The following NAGPA variants were observed in gnomAD, a reference collection of about 807,000 sequenced individuals.
NAGPA encodes alpha-N-acetylglucosaminyl phosphodiesterase.
A neutral mutation model predicts 48.5 loss-of-function variants in NAGPA; 56 were observed. The ratio of observed to expected loss-of-function variants is 1.15; its 90% CI spans 0.93 to 1.44. NAGPA has a LOEUF of 1.44. Ranked by LOEUF, NAGPA falls within the 40% of genes most tolerant of loss-of-function variation. NAGPA has a pLI of 0.00. For missense variants in NAGPA, 888 were observed against 735.0 expected, an observed-to-expected ratio of 1.21 and a Z score of -2.41; for synonymous variants, 399 against 315.5, an observed-to-expected ratio of 1.26 and a Z score of -2.81.
intron 9 of NAGPA, among the ~76,000 whole-genome samples, chr16:5,026,856 C>T (rs1199566982): frequency 1.3e-5 from 2 of 152,198 alleles, no homozygotes; most frequent in African/African-American, 4.8e-5. Context: ...GCCTGGGTGA[C>T]AGAATGAGGA....
rs2142557014 is a variant in NAGPA, at chr16:5,027,393, ATGGGAGG to A, written c.1175-21_1175-15del. ...CAAGGGGACACTCTATGGAAAGGAGATGGGAGGAGGGAGGAGGGAGGAGAAAGGTTGG... is the reference window on the plus strand; with the variant it reads ...CAAGGGGACACTCTATGGAAAGGAGAAGGGAGGAGGGAGGAGAAAGGTTGG... On this transcript the variant is annotated splice_polypyrimidine_tract_variant and intron_variant, in intron 7 of 9. Coordinates refer to ENST00000312251, the MANE Select transcript of NAGPA (RefSeq NM_016256.4). The A allele has an allele frequency of 6.3e-7, 1 of 1,588,436 alleles. No homozygotes were observed. Among genetic ancestry groups the A allele is most frequent in the South Asian group, 1.1e-5 (1 of 90,136 alleles).
rs574525153 is a variant in NAGPA at position 5,030,665 on chromosome 16, G to A, written c.683-172C>T. On this transcript the variant is annotated intron_variant, in intron 3 of 9. Transcript: ENST00000312251. ...ACATCCCAGTCTCCCCAGGGCAGCC[G>A]GGGGGTCTCTTCTTACAGGTAAACC... The A allele has an allele frequency of 3.0e-5, 20 of 673,640 alleles. No individual in the cohort carries two copies. The East Asian group carries it at 3.3e-4, about 11-fold the overall frequency. 41.7% of individuals were successfully genotyped at this position (673,640 alleles called of 1,614,324 possible).
At chr16:5,026,352 C>G (rs1956001262) in intron 9 of NAGPA, among the ~76,000 whole-genome samples, 1 of 151,774 alleles carries the variant, frequency 6.6e-6, no homozygotes, top group African/African-American at 2.4e-5. Flanking sequence ...TCAAGACCAG[C>G]CTGGCCAACA....
intron 2 of NAGPA, chr16:5,032,972 A>C: frequency 1.9e-6 from 1 of 519,354 alleles, no homozygotes; most frequent in Non-Finnish European, 3.5e-6. Context: ...AGCAATCAGA[A>C]TGTATGTTAG....
rs1044605253 is a variant in NAGPA at position 5,033,098 on chromosome 16, T to A, written c.542+175A>T. On this transcript the variant is annotated intron_variant, in intron 2 of 9. Coordinates refer to ENST00000312251, the MANE Select transcript of NAGPA (RefSeq NM_016256.4). This position sits in a 1 kb window ranked among gnomAD's most constrained non-coding sequence, Gnocchi z 4.2. ...CGGCACATTGCCTGATACAAGCAAG[T>A]GCTCAATGATACTGGATGATGAATA... The A allele has an allele frequency of 7.9e-6, 6 of 759,508 alleles. No individual in the cohort carries two copies. The highest frequency in any genetic ancestry group is 1.3e-5 in the Non-Finnish European group (6 of 467,958). The allele number at this position is 759,508 out of a possible 1,614,324, so 47.0% of individuals were successfully genotyped here. A position where few individuals can be genotyped will look rare whatever the true frequency, so the allele number is the denominator to read the frequency against.
rs1203389236 is a variant in NAGPA, at chr16:5,033,184, T to C, written c.542+89A>G. ...CAGAGGAGGAAACAGGGGCTCAGCT[T>C]GGTTAAGTGACTTGAACACGGAGGC... On this transcript the variant is annotated intron_variant, in intron 2 of 9. Transcript: ENST00000312251. The surrounding 1 kb of genome is among the most constrained non-coding windows in gnomAD (Gnocchi z 4.2). 6.9e-7 allele frequency: 1 copy of C among 1,441,876 alleles called. No individual in the cohort carries two copies. The highest frequency in any genetic ancestry group is 1.4e-5 in the African/African-American group (1 of 71,198). 89.3% of individuals were successfully genotyped at this position (1,441,876 alleles called of 1,614,324 possible).
chr16:5,031,213 G>C (rs1430259130), intron 3 of NAGPA: 1 of 188,158 alleles, frequency 5.3e-6, no homozygotes, highest in East Asian at 1.4e-4. Flanking sequence ...GGGATTATAG[G>C]TGTTAGCCAC....
Position 5,033,687 on chromosome 16 carries a change from G to A in NAGPA, c.128C>T (p.Ala43Val), listed in dbSNP as rs774894492. 15 of 1,595,430 alleles carry A rather than the reference G, an allele frequency of 9.4e-6. No homozygotes were observed. The South Asian group carries it at 1.7e-4, about 18-fold the overall frequency. ...DDDLLLPYPR[A>V]RARLPRDCTR... The stretch of plus-strand genomic sequence containing the variant: ...GCAGTCCCGGGGGAGGCGCGCGCGC[G>A]CGCGTGGATAGGGCAGTAGCAAGTC... The change falls in exon 2 of 10, where the codon GCG becomes GTG. Residue 43 changes from alanine (A) to valine (V), a missense_variant. Physicochemically the swap from Ala to Val is moderately conservative, Grantham distance 64. Transcript: ENST00000312251. This position sits in a 1 kb window ranked among gnomAD's most constrained non-coding sequence, Gnocchi z 4.2.
In NAGPA at chr16:5,025,166, C is replaced by T; in HGVS notation, c.*312G>A. ...AGTCTGGTTCGTTGGCAGCCCCTTC[C>T]CCAGGAGGAGGGAGACTCTTTGGCA... On this transcript the variant is annotated 3_prime_UTR_variant, in exon 10 of 10. Coordinates refer to ENST00000312251, the MANE Select transcript of NAGPA (RefSeq NM_016256.4). 2.3e-6 allele frequency: 1 copy of T among 435,030 alleles called. No homozygotes were observed. Among genetic ancestry groups the T allele is most frequent in the Non-Finnish European group, 4.3e-6 (1 of 233,850 alleles). The allele number at this position is 435,030 out of a possible 1,614,324, so 26.9% of individuals were successfully genotyped here. A position where few individuals can be genotyped will look rare whatever the true frequency, so the allele number is the denominator to read the frequency against.
chr16:5,029,122 T>C (rs533829129), intron 4 of NAGPA, 114 bp from the exon 5 acceptor site: 20 of 1,547,518 alleles, frequency 1.3e-5, no homozygotes, highest in Non-Finnish European at 1.6e-5. Context: ...CATTTCTAAG[T>C]GGCCCCCGCC....
Position 5,028,252 on chromosome 16 carries a change from C to A in NAGPA, c.921-67G>T, listed in dbSNP as rs188965871. 12 of 1,545,346 alleles carry A rather than the reference C, an allele frequency of 7.8e-6. No individual in the cohort carries two copies. The East Asian group carries it at 3.0e-4, about 38-fold the overall frequency. On this transcript the variant is annotated intron_variant, in intron 5 of 9. Transcript: ENST00000312251. ...CGGCCCCTCAACTCCCTCCAGGCTG[C>A]CCCCAACCACCCCTCTCTCCATTCT...
Position 5,033,432 on chromosome 16 carries a change from C to A in NAGPA, c.383G>T (p.Arg128Leu). 6.3e-7 allele frequency: 1 copy of A among 1,593,998 alleles called. No homozygotes were observed. Among genetic ancestry groups the A allele is most frequent in the Non-Finnish European group, 8.5e-7 (1 of 1,178,140 alleles). Residue 128 changes from arginine (R) to leucine (L), a missense_variant, in exon 2 of 10, where the codon CGG becomes CTG. Transcript: ENST00000312251. The surrounding 1 kb of genome is among the most constrained non-coding windows in gnomAD (Gnocchi z 4.2). ...RRRATVEETA[R>L]AADCRVAQNG... ...CTGGGCGACACGGCAGTCGGCCGCC[C>A]GCGCCGTCTCCTCCACGGTGGCGCG... is the stretch of plus-strand genomic sequence containing the variant.
At chr16:5,030,876 T>C (rs1370285819) in intron 3 of NAGPA, among the ~76,000 whole-genome samples, 1 of 152,010 alleles carries the variant, frequency 6.6e-6, no homozygotes, top group South Asian at 2.1e-4. Flanking sequence ...TGCTTTTCTC[T>C]AGCTTGCTCC....
At chr16:5,025,803 G>C in intron 9 of NAGPA, 118 bp from the exon 10 acceptor site, 1 of 1,036,244 alleles carries the variant, frequency 9.7e-7, no homozygotes, top group Non-Finnish European at 1.4e-6. Flanking sequence ...TGCCTCCAGG[G>C]ACCACACAGG....
rs1190124756 is a variant in NAGPA, at chr16:5,033,528, C to T, written c.287G>A (p.Arg96Gln). 1 of 1,514,596 alleles carries T rather than the reference C, an allele frequency of 6.6e-7. No homozygotes were observed. Among genetic ancestry groups the T allele is most frequent in the Non-Finnish European group, 8.8e-7 (1 of 1,141,326 alleles). The allele number at this position is 1,514,596 out of a possible 1,614,324, so 93.8% of individuals were successfully genotyped here. Residue 96 changes from arginine (R) to glutamine (Q), a missense_variant, in exon 2 of 10, where the codon CGG becomes CAG. By Grantham distance (43) the Arg-to-Gln change is conservative. Coordinates refer to ENST00000312251, the MANE Select transcript of NAGPA (RefSeq NM_016256.4). The surrounding 1 kb of genome is among the most constrained non-coding windows in gnomAD (Gnocchi z 4.2). ...RDRAVAGHLT[R>Q]AVEPLRTFSV... Reference sequence around the variant, plus strand: ...GAAGGTGCGCAGGGGCTCAACGGCCCGCGTCAGGTGGCCGGCCACCGCGCG... The same window carrying T: ...GAAGGTGCGCAGGGGCTCAACGGCCTGCGTCAGGTGGCCGGCCACCGCGCG...
rs757080753 is a variant in NAGPA, at chr16:5,033,355, T to C, written c.460A>G (p.Ser154Gly). ...GAGCTGCTCACCCGCCGCTCGTCGC[T>C]CACCACGTTCCCCAGGCACTCGCCC... Reference protein sequence around the residue: ...NSGECLGNVVSDERRVSSSGG... With the variant: ...NSGECLGNVVGDERRVSSSGG... Residue 154 changes from serine to glycine, a missense_variant, in exon 2 of 10, where the codon AGC (serine) becomes GGC (glycine). Coordinates refer to ENST00000312251, the MANE Select transcript of NAGPA (RefSeq NM_016256.4). The surrounding 1 kb of genome is among the most constrained non-coding windows in gnomAD (Gnocchi z 4.2). 4.8e-5 allele frequency: 77 copies of C among 1,597,850 alleles called. No homozygotes were observed. The highest frequency in any genetic ancestry group is 8.3e-5 in the Admixed American group (5 of 59,956).
At chr16:5,029,210 T>C (rs371043945) in intron 4 of NAGPA, 99 of 828,416 alleles carry the variant, frequency 1.2e-4, no homozygotes, top group South Asian at 1.6e-4. Context: ...TTACATGGCA[T>C]AGGAATCCTT....
At chr16:5,028,596 C>T (rs1053238472) in intron 5 of NAGPA, 4 of 557,780 alleles carry the variant, frequency 7.2e-6, no homozygotes, top group Non-Finnish European at 1.3e-5. Context: ...GGGCCTTTCA[C>T]ATGTGGTGCC....
intron 9 of NAGPA, 121 bp downstream of exon 9, chr16:5,027,014 G>C: frequency 7.9e-7 from 1 of 1,262,216 alleles, no homozygotes; most frequent in Non-Finnish European, 1.1e-6. Context: ...AGCTGGTCCC[G>C]CTTCCTCTAA....
Sources: allele counts gnomAD v4.1 joint callset (sites outside exome capture counted in the v4.1 genomes callset), GRCh38; gene constraint gnomAD v4.1.1; non-coding constraint Gnocchi (gnomAD v3.1); transcripts MANE v1.5; gene names NCBI Gene and HGNC (gene_info 2026-07-23, HGNC 2026-07-21).